Variants in EYS observed in about 807,000 individuals in gnomAD.
EYS encodes protein eyes shut homolog.
Under a neutral mutation model 282.1 loss-of-function variants are expected in EYS, and 250 were observed. The observed-to-expected ratio is 0.89, with a 90% CI of 0.80 to 0.98. The LOEUF (loss-of-function observed/expected upper bound fraction) is 0.98. Ranked by LOEUF, EYS falls within the 50% of genes least tolerant of loss-of-function variation. EYS has a pLI of 0.00. For missense variants in EYS, 4,016 were observed against 3,709.0 expected (o/e 1.08, Z -2.15); for synonymous variants, 1,355 against 1,282.9 (o/e 1.06, Z -1.20).
intron 8 of EYS, among the ~76,000 whole-genome samples, chr6:65,363,909 A>G (rs915851291): frequency 1.3e-5 from 2 of 151,664 alleles, no homozygotes; most frequent in African/African-American, 2.4e-5. Context: ...TCAGAAAATG[A>G]CTTTAAATAT....
Position 64,902,904 on chromosome 6 carries a change from TG to T in EYS, c.2642-405del, listed in dbSNP as rs1767711872. On this transcript the variant is annotated intron_variant, in intron 16 of 42. Coordinates refer to ENST00000503581, the MANE Select transcript of EYS (RefSeq NM_001142800.2). ...AAATTTATTCAAGGCAGTTAGCAGA[TG>T]AAGCAAATTATTTAATTGCTTTTTA... 3.3e-5 allele frequency among the ~76,000 whole-genome samples: 5 copies of T among 152,276 alleles called. No individual in the cohort carries two copies. In the South Asian group the frequency reaches 1.0e-3, roughly 32 times the overall value.
chr6:63,927,550 A>G (rs986462561), intron 35 of EYS, among the ~76,000 whole-genome samples: 5 of 152,156 alleles, frequency 3.3e-5, no homozygotes, highest in African/African-American at 9.7e-5. Flanking sequence ...TTGTGGGCTG[A>G]GTGTGGTTAA....
At chr6:64,866,715 T>C (rs1275543175) in intron 19 of EYS, among the ~76,000 whole-genome samples, 2 of 151,798 alleles carry the variant, frequency 1.3e-5, no homozygotes, top group Non-Finnish European at 3.0e-5. Context: ...TTTGTCCAAA[T>C]ATATCTTTAA....
At chr6:65,614,863 C>G (rs1052540186) in intron 2 of EYS, among the ~76,000 whole-genome samples, 7 of 107,594 alleles carry the variant, frequency 6.5e-5, no homozygotes, top group Non-Finnish European at 1.3e-4. Context: ...CTGTAGTAAT[C>G]TTTAAAGATT....
intron 31 of EYS, among the ~76,000 whole-genome samples, chr6:64,126,451 CTCCAGTA>C (rs1773790085): frequency 6.6e-6 from 1 of 152,016 alleles, no homozygotes; most frequent in East Asian, 1.9e-4. Context: ...ATTGCAGTTA[CTCCAGTA>C]TCAAATGTTG....
chr6:65,211,564 A>G (rs1415365455), intron 12 of EYS, among the ~76,000 whole-genome samples: 1 of 152,032 alleles, frequency 6.6e-6, no homozygotes, highest in Non-Finnish European at 1.5e-5. Flanking sequence ...ATAGTCATCC[A>G]AAGTACTGAC....
intron 2 of EYS, among the ~76,000 whole-genome samples, chr6:65,544,714 A>C (rs1000442949): frequency 1.3e-5 from 2 of 152,138 alleles, no homozygotes; most frequent in African/African-American, 2.4e-5. Context: ...GCTGAGTAAA[A>C]TTTTTAATAT....
At chr6:64,931,597 C>T (rs772800932) in intron 15 of EYS, among the ~76,000 whole-genome samples, 2 of 151,958 alleles carry the variant, frequency 1.3e-5, no homozygotes, top group Admixed American at 6.6e-5. Context: ...TTATAAGATG[C>T]CACACTAATC....
In EYS at chr6:65,005,779, C is replaced by G. The variant is rs1375922134; in HGVS notation, c.2138-8076G>C. Among the ~76,000 whole-genome samples the G allele has an allele frequency of 3.4e-5, 4 of 119,118 alleles. 1 individual carries two copies. Among genetic ancestry groups the G allele is most frequent in the African/African-American group, 5.1e-5 (2 of 38,890 alleles). 78.1% of individuals were successfully genotyped at this position (119,118 alleles called of 152,430 possible). A position where few individuals can be genotyped will look rare whatever the true frequency, so the allele number is the denominator to read the frequency against. ...AGGACCGACTAGAGGTAGAAAGCAG[C>G]TGTCCCGAACTCCCGGCAGTAGCCG... is the stretch of plus-strand genomic sequence containing the variant. On this transcript the variant is annotated intron_variant, in intron 13 of 42. Coordinates refer to ENST00000503581, the MANE Select transcript of EYS (RefSeq NM_001142800.2).
intron 33 of EYS, among the ~76,000 whole-genome samples, chr6:64,040,341 A>AAAC (rs1770329431): frequency 6.6e-6 from 1 of 152,262 alleles, no homozygotes; most frequent in Admixed American, 6.5e-5. Context: ...AAAATTACTT[A>AAAC]AGTGTAATTT....
chr6:64,379,625 A>G (rs1372392515), intron 29 of EYS: 1 of 152,172 alleles, frequency 6.6e-6, no homozygotes, highest in Non-Finnish European at 1.5e-5. Flanking sequence ...GAATTAAGTG[A>G]AAATTTAAGC....
At chr6:65,635,639 A>G (rs1307103723) in intron 2 of EYS, among the ~76,000 whole-genome samples, 3 of 152,194 alleles carry the variant, frequency 2.0e-5, no homozygotes, top group Non-Finnish European at 1.5e-5. Flanking sequence ...TTTAAATGAT[A>G]ATAGGCCTCC....
chr6:63,846,683 CT>C (rs1772105477), intron 36 of EYS, among the ~76,000 whole-genome samples: 1 of 152,168 alleles, frequency 6.6e-6, no homozygotes, highest in South Asian at 2.1e-4. Flanking sequence ...ACTTTATAAT[CT>C]ACTCACACAC....
intron 31 of EYS, among the ~76,000 whole-genome samples, chr6:64,212,042 G>C (rs1203158908): frequency 6.6e-6 from 1 of 151,986 alleles, no homozygotes; most frequent in Non-Finnish European, 1.5e-5. Context: ...CTTGAACCCA[G>C]GAGGCAGAGG....
intron 29 of EYS, among the ~76,000 whole-genome samples, chr6:64,349,847 C>T (rs956370729): frequency 6.6e-6 from 1 of 151,434 alleles, no homozygotes; most frequent in African/African-American, 2.4e-5. Context: ...CCTTGAACTA[C>T]AAGAGTAAAA....
intron 12 of EYS, among the ~76,000 whole-genome samples, chr6:65,222,033 C>T (rs1042544220): frequency 6.6e-6 from 1 of 152,118 alleles, no homozygotes; most frequent in African/African-American, 2.4e-5. Flanking sequence ...TGCCTGTACC[C>T]CCATTATACC....
intron 2 of EYS, among the ~76,000 whole-genome samples, chr6:65,514,145 T>C (rs1453251211): frequency 2.6e-5 from 4 of 151,698 alleles, no homozygotes; most frequent in African/African-American, 4.8e-5. Context: ...TATACACCAA[T>C]AACAGACAAA....
intron 2 of EYS, among the ~76,000 whole-genome samples, chr6:65,504,709 A>G (rs1766592858): frequency 6.6e-6 from 1 of 151,590 alleles, no homozygotes; most frequent in Non-Finnish European, 1.5e-5. Flanking sequence ...ATTAATTTTA[A>G]AATGGAGACC....
At chr6:64,429,673 A>G (rs113808824) in intron 28 of EYS, among the ~76,000 whole-genome samples, 1 of 152,208 alleles carries the variant, frequency 6.6e-6, no homozygotes, top group African/African-American at 2.4e-5. Flanking sequence ...GTTAATTTCT[A>G]TTCTAATTAA....
Sources: allele counts gnomAD v4.1 joint callset (sites outside exome capture counted in the v4.1 genomes callset), GRCh38; gene constraint gnomAD v4.1.1; transcripts MANE v1.5; gene names NCBI Gene and HGNC (gene_info 2026-07-23, HGNC 2026-07-21).